LRRC69: variants seen among roughly 807,000 people sequenced by gnomAD.
The protein encoded by LRRC69 is leucine rich repeat containing 69, also known as leucine-rich repeat-containing protein 69.
LRRC69 carries 42 observed loss-of-function variants against 37.8 expected under a neutral mutation model. That is an observed-to-expected ratio of 1.11 (90% CI 0.87 to 1.44). LRRC69 has a LOEUF of 1.44. Among genes scored for constraint, LRRC69 ranks in the 40% most tolerant of loss-of-function variants. The pLI is 0.00. For missense variants in LRRC69, 357 were observed against 401.9 expected, an observed-to-expected ratio of 0.89 and a Z score of 0.96; for synonymous variants, 141 against 143.1, an observed-to-expected ratio of 0.99 and a Z score of 0.11.
chr8:91,215,276 A>G (rs147765149), intron 7 of LRRC69, among the ~76,000 whole-genome samples: 455 of 152,264 alleles, frequency 3.0e-3, no homozygotes, highest in African/African-American at 0.011. Context: ...ACAGGAAACC[A>G]TCTTATGCTC....
intron 1 of LRRC69, among the ~76,000 whole-genome samples, chr8:91,117,485 A>G (rs1813530396): frequency 6.7e-6 from 1 of 150,132 alleles, no homozygotes; most frequent in African/African-American, 2.5e-5. Flanking sequence ...TCCAGGGGGC[A>G]TTGTCCAGTT....
intron 3 of LRRC69, among the ~76,000 whole-genome samples, chr8:91,127,904 C>G (rs932066495): frequency 6.6e-6 from 1 of 152,056 alleles, no homozygotes. Context: ...CACCTAACAT[C>G]TATTCCAATT....
chr8:91,136,190 A>G (rs1192800669), intron 5 of LRRC69, among the ~76,000 whole-genome samples: 1 of 151,986 alleles, frequency 6.6e-6, no homozygotes, highest in Non-Finnish European at 1.5e-5. Context: ...TATTTCAAAT[A>G]TGGAGAAACC....
chr8:91,208,782 A>C (rs1809851823), intron 7 of LRRC69, among the ~76,000 whole-genome samples: 1 of 152,122 alleles, frequency 6.6e-6, no homozygotes, highest in South Asian at 2.1e-4. Context: ...GTCCTGTTTC[A>C]TGTGGGCATC....
chr8:91,147,269 C>T (rs371259205), intron 5 of LRRC69, among the ~76,000 whole-genome samples: 1 of 145,916 alleles, frequency 6.9e-6, no homozygotes, highest in South Asian at 2.1e-4. Context: ...TATATATAAA[C>T]ATATATTATA....
Position 91,214,607 on chromosome 8 carries a change from A to G in LRRC69, c.934-4283A>G, listed in dbSNP as rs1163720200. 2.6e-5 allele frequency among the ~76,000 whole-genome samples: 4 copies of G among 152,238 alleles called. No homozygotes were observed. In the South Asian group the frequency reaches 8.3e-4, roughly 32 times the overall value. ...CCTAAGGTAAGTCATCTACCTTACT[A>G]TATCAGGACTAATTTCCTCATTTGG... On this transcript the variant is annotated intron_variant, in intron 7 of 7. Transcript: ENST00000448384.
rs191194584 is a variant in LRRC69 at position 91,149,396 on chromosome 8, C to G, written c.651+13657C>G. ...GTTTGTCAAAGATCAGGTGGTTGTA[C>G]ATATGCGGCATTATTTCTGAGGGCT... On this transcript the variant is annotated intron_variant, in intron 5 of 7. Coordinates refer to ENST00000448384, the Ensembl canonical transcript of LRRC69. Among the ~76,000 whole-genome samples, 34 of 151,850 alleles carry G rather than the reference C, an allele frequency of 2.2e-4. No homozygotes were observed. In the East Asian group the frequency reaches 6.2e-3, roughly 28 times the overall value.
intron 5 of LRRC69, among the ~76,000 whole-genome samples, chr8:91,173,782 G>T (rs986443737): frequency 6.6e-6 from 1 of 152,034 alleles, no homozygotes; most frequent in African/African-American, 2.4e-5. Flanking sequence ...TGGTAGAAGG[G>T]TAGACAAGAT....
intron 6 of LRRC69, among the ~76,000 whole-genome samples, chr8:91,198,961 A>T (rs1046442605): frequency 2.0e-5 from 3 of 152,198 alleles, no homozygotes. Context: ...TATAAATAAT[A>T]GTTGATGTAA....
chr8:91,187,787 G>A (rs1809430075), intron 5 of LRRC69, among the ~76,000 whole-genome samples: 1 of 152,146 alleles, frequency 6.6e-6, no homozygotes, highest in Non-Finnish European at 1.5e-5. Flanking sequence ...TTATTCAGGG[G>A]TTCACTTAAA....
chr8:91,134,561 C>G (rs1403837312), intron 4 of LRRC69, among the ~76,000 whole-genome samples: 1 of 151,834 alleles, frequency 6.6e-6, no homozygotes, highest in Non-Finnish European at 1.5e-5. Flanking sequence ...CCCACCCCTT[C>G]TACTGACTCA....
At chr8:91,162,055 G>A (rs1488455266) in intron 5 of LRRC69, among the ~76,000 whole-genome samples, 1 of 151,266 alleles carries the variant, frequency 6.6e-6, no homozygotes, top group African/African-American at 2.4e-5. Context: ...TTATGTGTTT[G>A]TACAGTTTCC....
intron 4 of LRRC69, among the ~76,000 whole-genome samples, chr8:91,135,301 C>A (rs145209065): frequency 1.3e-5 from 2 of 152,024 alleles, no homozygotes; most frequent in Non-Finnish European, 2.9e-5. Flanking sequence ...ATTCAACAAC[C>A]GTATGACTTA....
intron 6 of LRRC69, among the ~76,000 whole-genome samples, chr8:91,195,783 C>G (rs907358463): frequency 6.6e-6 from 1 of 151,658 alleles, no homozygotes. Flanking sequence ...ACTGATGGGT[C>G]TTGACTCTTT....
intron 5 of LRRC69, among the ~76,000 whole-genome samples, chr8:91,187,201 G>T (rs1438945787): frequency 6.6e-6 from 1 of 152,176 alleles, no homozygotes; most frequent in African/African-American, 2.4e-5. Flanking sequence ...GTATGGCAAT[G>T]TGACCACTGG....
chr8:91,150,210 T>G (rs1374430983), intron 5 of LRRC69, among the ~76,000 whole-genome samples: 3 of 152,022 alleles, frequency 2.0e-5, no homozygotes, highest in African/African-American at 7.2e-5. Flanking sequence ...AGTATGATAT[T>G]GGCTGTGGGT....
chr8:91,119,059 T>A (rs1482248128), intron 1 of LRRC69, among the ~76,000 whole-genome samples: 2 of 152,098 alleles, frequency 1.3e-5, no homozygotes, highest in Non-Finnish European at 2.9e-5. Context: ...GTTGTCTGAC[T>A]CACTTCCCAA....
At chr8:91,197,795 A>G (rs757240677) in intron 6 of LRRC69, among the ~76,000 whole-genome samples, 17 of 144,778 alleles carry the variant, frequency 1.2e-4, no homozygotes, top group South Asian at 2.2e-4. Context: ...TGCAGAAATC[A>G]CCCGTCTTCT....
At chr8:91,174,140 T>A (rs377158850) in intron 5 of LRRC69, among the ~76,000 whole-genome samples, 1 of 147,238 alleles carries the variant, frequency 6.8e-6, no homozygotes, top group South Asian at 2.1e-4. Context: ...ATTTATAAGA[T>A]GAGAAACAGG....
Sources: gnomAD v4.1 joint callset for allele counts (sites outside exome capture counted in the v4.1 genomes callset) on GRCh38, gnomAD v4.1.1 for gene constraint, MANE v1.5 for transcripts, NCBI Gene and HGNC (gene_info 2026-07-23, HGNC 2026-07-21) for gene names.